The following PRKAA1 variants were observed in gnomAD, a reference collection of about 807,000 sequenced individuals.
The protein encoded by PRKAA1 is protein kinase AMP-activated catalytic subunit alpha 1.
In PRKAA1, 23 loss-of-function variants were observed where a neutral mutation model predicts 56.9. That is an observed-to-expected ratio of 0.40 (90% CI 0.29 to 0.57). The LOEUF (loss-of-function observed/expected upper bound fraction) is 0.57, where lower values mean the gene tolerates loss of function less well. PRKAA1 is among the 20% of genes least tolerant of loss of function. PRKAA1 has a pLI of 0.39. For missense variants in PRKAA1, 413 were observed against 679.7 expected, an observed-to-expected ratio of 0.61 and a Z score of 4.36; for synonymous variants, 226 against 227.0, an observed-to-expected ratio of 1.00 and a Z score of 0.04.
chr5:40,771,015 A>G (rs1432070844), intron 4 of PRKAA1, among the ~76,000 whole-genome samples: 1 of 152,116 alleles, frequency 6.6e-6, no homozygotes, highest in Non-Finnish European at 1.5e-5. Flanking sequence ...ATAATTTTAA[A>G]TAATTAAATT....
chr5:40,773,065 G>C (rs1308971714), intron 3 of PRKAA1, among the ~76,000 whole-genome samples: 1 of 152,052 alleles, frequency 6.6e-6, no homozygotes, highest in African/African-American at 2.4e-5. Flanking sequence ...TAATCCTCTA[G>C]GCGAAGGACT....
In PRKAA1 at chr5:40,759,990, T is replaced by A. The variant is rs1267053541; in HGVS notation, c.*2788A>T. 6.5e-6 allele frequency: 1 copy of A among 152,786 alleles called. No individual in the cohort carries two copies. Among genetic ancestry groups the A allele is most frequent in the Admixed American group, 6.5e-5 (1 of 15,284 alleles). 9.5% of individuals were successfully genotyped at this position (152,786 alleles called of 1,614,324 possible). A position where few individuals can be genotyped will look rare whatever the true frequency, so the allele number is the denominator to read the frequency against. ...GTAAAATCTGTTATACTTAAAACTA[T>A]GTATACAGTACATTTCTGGCAAAAA... On this transcript the variant is annotated 3_prime_UTR_variant, in exon 9 of 9. Transcript: ENST00000397128.
At chr5:40,767,052 A>G (rs940146903) in intron 6 of PRKAA1, among the ~76,000 whole-genome samples, 2 of 151,874 alleles carry the variant, frequency 1.3e-5, no homozygotes, top group African/African-American at 4.8e-5. Context: ...AAAGATATAC[A>G]TATATATGGG....
At chr5:40,780,602 C>T (rs1323526216) in intron 1 of PRKAA1, among the ~76,000 whole-genome samples, 1 of 152,132 alleles carries the variant, frequency 6.6e-6, no homozygotes, top group African/African-American at 2.4e-5. Flanking sequence ...GTCCAAAGAC[C>T]TCAGAACCAA....
At chr5:40,792,594 C>CT (rs1334243551) in intron 1 of PRKAA1, among the ~76,000 whole-genome samples, 1 of 152,134 alleles carries the variant, frequency 6.6e-6, no homozygotes, top group Non-Finnish European at 1.5e-5. Context: ...TATACATATT[C>CT]TTATACAACT....
chr5:40,767,443 T>C, intron 6 of PRKAA1, 23 bp downstream of exon 6: 6 of 1,572,322 alleles, frequency 3.8e-6, no homozygotes, highest in Non-Finnish European at 5.2e-6. Context: ...TCAGATCTGA[T>C]AACTTCCAAA....
chr5:40,793,067 C>CA (rs1235516933), intron 1 of PRKAA1, among the ~76,000 whole-genome samples: 2,001 of 109,046 alleles, frequency 0.018, 24 homozygotes, highest in African/African-American at 0.027. Context: ...AACTCCATCT[C>CA]AAAAAAAAAA....
At chr5:40,763,881 G>A (rs1218756534) in intron 8 of PRKAA1, among the ~76,000 whole-genome samples, 5 of 152,082 alleles carry the variant, frequency 3.3e-5, no homozygotes, top group African/African-American at 7.2e-5. Context: ...AAATTCAAAC[G>A]TGAACCTCAT....
At chr5:40,774,571 T>TTG (rs1561174693) in intron 3 of PRKAA1, among the ~76,000 whole-genome samples, 2 of 144,912 alleles carry the variant, frequency 1.4e-5, no homozygotes, top group Non-Finnish European at 3.0e-5. Context: ...TTTTTTTTTT[T>TTG]GGTAAGGAGA....
intron 6 of PRKAA1, among the ~76,000 whole-genome samples, chr5:40,766,418 C>T (rs1743438595): frequency 1.3e-5 from 2 of 152,006 alleles, no homozygotes; most frequent in South Asian, 4.2e-4. Context: ...AGAAACAAGG[C>T]TTGCAATAAA....
At chr5:40,767,908 A>G (rs1336058720) in intron 5 of PRKAA1, among the ~76,000 whole-genome samples, 3 of 152,208 alleles carry the variant, frequency 2.0e-5, no homozygotes, top group African/African-American at 4.8e-5. Context: ...ATTCTGTTCT[A>G]CTATTTACTA....
At chr5:40,797,468 C>G (rs1191293301) in intron 1 of PRKAA1, among the ~76,000 whole-genome samples, 1 of 152,150 alleles carries the variant, frequency 6.6e-6, no homozygotes, top group Non-Finnish European at 1.5e-5. Context: ...TTAACTGCTC[C>G]GAAGGAAACC....
rs1397814499 is a variant in PRKAA1 at position 40,771,650 on chromosome 5, C to G, written c.508+69G>C. On this transcript the variant is annotated intron_variant, in intron 4 of 8. Transcript: ENST00000397128. ...ATCTTTTACAGTTATCTGAAGAATT[C>G]TAGGTAGGTTCATTGAAACTATAAG... The G allele has an allele frequency of 2.1e-6, 3 of 1,454,832 alleles. No individual in the cohort carries two copies. The African/African-American group carries it at 4.3e-5, about 21-fold the overall frequency. 90.1% of individuals were successfully genotyped at this position (1,454,832 alleles called of 1,614,324 possible).
chr5:40,769,503 C>T lies in PRKAA1; in HGVS notation c.509G>A (p.Gly170Asp). Residue 170 changes from glycine to aspartate, a missense_variant and splice_region_variant, in exon 5 of 9, where the codon GGT (glycine) becomes GAT (aspartate). By Grantham distance (94) the Gly-to-Asp change is moderately conservative (BLOSUM62 -1). Transcript: ENST00000397128. ...AHMNAKIADF[G>D]LSNMMSDGEF... ...ACCATCTGACATCATGTTTGAAAGA[C>T]CTGAAAGTGCACAAAATCAGCTACT... 4 of 1,603,142 alleles carry T rather than the reference C, an allele frequency of 2.5e-6. No individual in the cohort carries two copies. Among genetic ancestry groups the T allele is most frequent in the Non-Finnish European group, 3.4e-6 (4 of 1,173,628 alleles).
rs1397630442 is a variant in PRKAA1, at chr5:40,776,271, G to T, written c.270-768C>A. 2.0e-5 allele frequency among the ~76,000 whole-genome samples: 3 copies of T among 152,210 alleles called. No individual in the cohort carries two copies. In the East Asian group the frequency reaches 5.8e-4, roughly 29 times the overall value. On this transcript the variant is annotated intron_variant, in intron 2 of 8. Coordinates refer to ENST00000397128, the MANE Select transcript of PRKAA1 (RefSeq NM_006251.6). ...GGTAGAAAGTGAAAGAAACAGGGAA[G>T]TTAAAAATGGTTCCTAAGTTTTAGC...
intron 1 of PRKAA1, among the ~76,000 whole-genome samples, chr5:40,786,463 T>C (rs1744489373): frequency 6.6e-6 from 1 of 151,994 alleles, no homozygotes; most frequent in African/African-American, 2.4e-5. Flanking sequence ...AGTTTATCAG[T>C]TGAAAAGTGG....
At chr5:40,765,859 C>A (rs572718064) in intron 6 of PRKAA1, among the ~76,000 whole-genome samples, 1 of 152,094 alleles carries the variant, frequency 6.6e-6, no homozygotes, top group African/African-American at 2.4e-5. Context: ...TGAATGATTT[C>A]CTATTCTAAT....
intron 1 of PRKAA1, among the ~76,000 whole-genome samples, chr5:40,794,698 C>T (rs1305380019): frequency 2.4e-5 from 3 of 125,588 alleles, no homozygotes; most frequent in African/African-American, 8.0e-5. Flanking sequence ...TTTCATTCTC[C>T]TACATGTGGC....
At chr5:40,764,679 T>C (rs1242170533) in intron 7 of PRKAA1, 39 bp from the exon 8 acceptor site, 2 of 1,605,242 alleles carry the variant, frequency 1.2e-6, no homozygotes, top group Non-Finnish European at 1.7e-6. Context: ...CAAAAGTAAT[T>C]CTTCTATAAA....
Sources: allele counts gnomAD v4.1 joint callset (sites outside exome capture counted in the v4.1 genomes callset), GRCh38; gene constraint gnomAD v4.1.1; transcripts MANE v1.5; gene names NCBI Gene and HGNC (gene_info 2026-07-23, HGNC 2026-07-21).